Variants in TLK2 observed in about 807,000 individuals in gnomAD.
TLK2 encodes tousled like kinase 2.
TLK2 carries 6 observed loss-of-function variants against 117.3 expected under a neutral mutation model. That is an observed-to-expected ratio of 0.05 (90% CI 0.03 to 0.10). The LOEUF (loss-of-function observed/expected upper bound fraction) is 0.10. TLK2 is among the 10% of genes least tolerant of loss of function. The pLI is 1.00. For synonymous variants in TLK2, 257 were observed against 316.7 expected, an observed-to-expected ratio of 0.81 and a Z score of 2.00; for missense variants, 299 against 901.2, an observed-to-expected ratio of 0.33 and a Z score of 8.56.
chr17:62,600,834 T>G lies in TLK2; in HGVS notation c.1720+14T>G, dbSNP rs1433673228. 1.3e-6 allele frequency: 2 copies of G among 1,589,686 alleles called. No individual in the cohort carries two copies. Among genetic ancestry groups the G allele is most frequent in the Non-Finnish European group, 1.7e-6 (2 of 1,171,208 alleles). On this transcript the variant is annotated intron_variant, in intron 18 of 21. Coordinates refer to ENST00000346027, the MANE Select transcript of TLK2 (RefSeq NM_006852.6). ...ACCTCAAACCAGGTATGTCTAACTTTTAGGAGACAGTATTAGTGGGTTTTC... is the reference window on the plus strand; with the variant it reads ...ACCTCAAACCAGGTATGTCTAACTTGTAGGAGACAGTATTAGTGGGTTTTC...
intron 13 of TLK2, 89 bp from the exon 14 acceptor site, chr17:62,578,388 A>C (rs2080972385): frequency 5.0e-6 from 5 of 1,006,044 alleles, no homozygotes; most frequent in Middle Eastern, 3.0e-4. Flanking sequence ...GCCTTTCATA[A>C]GATAAATGTC....
At chr17:62,592,335 A>G (rs2082141799) in intron 16 of TLK2, among the ~76,000 whole-genome samples, 1 of 152,222 alleles carries the variant, frequency 6.6e-6, no homozygotes, top group African/African-American at 2.4e-5. Context: ...CAGAATATGA[A>G]TATGTCAGAC....
intron 7 of TLK2, chr17:62,552,020 CT>C (rs1249565785): frequency 2.5e-6 from 1 of 400,720 alleles, no homozygotes; most frequent in Non-Finnish European, 4.7e-6. Context: ...ACAGGAATAA[CT>C]TTTCATTTTC....
chr17:62,513,558 C>T (rs964443575), intron 2 of TLK2, among the ~76,000 whole-genome samples: 1 of 151,958 alleles, frequency 6.6e-6, no homozygotes, highest in Non-Finnish European at 1.5e-5. Context: ...CTCCTGGGCT[C>T]AAGTGATCCT....
intron 6 of TLK2, among the ~76,000 whole-genome samples, chr17:62,525,609 C>T (rs562673207): frequency 2.3e-4 from 35 of 152,082 alleles, no homozygotes; most frequent in African/African-American, 6.7e-4. Flanking sequence ...CCACTACGCC[C>T]GGCTAATTTT....
intron 18 of TLK2, among the ~76,000 whole-genome samples, chr17:62,601,055 G>A (rs79786512): frequency 1.3e-5 from 2 of 152,110 alleles, no homozygotes; most frequent in African/African-American, 2.4e-5. Context: ...TGGAGCCAGG[G>A]CAGTTCATGA....
At chr17:62,598,293 T>C (rs567061972) in intron 17 of TLK2, among the ~76,000 whole-genome samples, 1 of 152,352 alleles carries the variant, frequency 6.6e-6, no homozygotes, top group Admixed American at 6.5e-5. Flanking sequence ...CAAAGTTAAA[T>C]ATCAGGCTCA....
chr17:62,503,184 C>G (rs1016142533), intron 2 of TLK2, among the ~76,000 whole-genome samples: 5 of 151,680 alleles, frequency 3.3e-5, no homozygotes, highest in African/African-American at 1.2e-4. Context: ...CTCAGCCTCC[C>G]CAGCAGCTGG....
At chr17:62,504,536 G>A (rs1567808060) in intron 2 of TLK2, among the ~76,000 whole-genome samples, 1 of 152,170 alleles carries the variant, frequency 6.6e-6, no homozygotes, top group Non-Finnish European at 1.5e-5. Context: ...GGGCATGGTG[G>A]CTCATGCCTA....
intron 6 of TLK2, among the ~76,000 whole-genome samples, chr17:62,529,198 ACT>A (rs2076576932): frequency 6.6e-6 from 1 of 151,646 alleles, no homozygotes; most frequent in Non-Finnish European, 1.5e-5. Flanking sequence ...ATGTATTATG[ACT>A]CTCTTCATCT....
At chr17:62,593,056 T>C (rs556278474) in intron 16 of TLK2, among the ~76,000 whole-genome samples, 2 of 152,302 alleles carry the variant, frequency 1.3e-5, no homozygotes, top group South Asian at 4.1e-4. Context: ...CTTTGCTCAC[T>C]CACCCACTGC....
chr17:62,525,549 A>G (rs1241962108), intron 6 of TLK2, among the ~76,000 whole-genome samples: 1 of 151,898 alleles, frequency 6.6e-6, no homozygotes, highest in Non-Finnish European at 1.5e-5. Context: ...CGTAGGCTCA[A>G]GTGATTCTCC....
chr17:62,604,570 G>A (rs916584544), intron 19 of TLK2, among the ~76,000 whole-genome samples: 1 of 152,034 alleles, frequency 6.6e-6, no homozygotes, highest in African/African-American at 2.4e-5. Context: ...ACCTAGAAAG[G>A]GATTTGCCAG....
At position 62,573,275 on chromosome 17, in the gene TLK2, A is replaced by T; in HGVS notation, c.1029A>T (p.Ala343=). The T allele has an allele frequency of 6.2e-7, 1 of 1,614,028 alleles. No individual in the cohort carries two copies. Among genetic ancestry groups the T allele is most frequent in the African/African-American group, 1.3e-5 (1 of 75,062 alleles). ...TAGAAAGACAACGGAAAATGTTAGC[A>T]AAGCGGAAACCTCCTGCCATGGGTC... ...EEIERQRKML[A]KRKPPAMGQA... The change falls in exon 12 of 22, where the codon GCA becomes GCT. Residue 343 remains alanine (A), a synonymous_variant. Coordinates refer to ENST00000346027, the MANE Select transcript of TLK2 (RefSeq NM_006852.6).
chr17:62,490,051 A>G (rs946531237), intron 2 of TLK2, among the ~76,000 whole-genome samples: 2 of 152,130 alleles, frequency 1.3e-5, no homozygotes. Flanking sequence ...GCTGGTCTTG[A>G]ACTCCTGACC....
chr17:62,505,407 ATTTTTTTTTTT>A (rs544900638), intron 2 of TLK2, among the ~76,000 whole-genome samples: 19 of 53,768 alleles, frequency 3.5e-4, no homozygotes, highest in African/African-American at 1.2e-3. Flanking sequence ...CCATACCCAG[ATTTTTTTTTTT>A]TTTTTTTTTT....
intron 11 of TLK2, among the ~76,000 whole-genome samples, chr17:62,570,013 T>A (rs2080144965): frequency 6.6e-6 from 1 of 152,174 alleles, no homozygotes; most frequent in South Asian, 2.1e-4. Flanking sequence ...GCAGCATAAC[T>A]CCATTCTCTG....
intron 9 of TLK2, among the ~76,000 whole-genome samples, chr17:62,559,261 A>G (rs1447944138): frequency 1.3e-5 from 2 of 150,934 alleles, no homozygotes; most frequent in Non-Finnish European, 2.9e-5. Context: ...ATGCAAATTT[A>G]TCTTTCTTAA....
intron 6 of TLK2, among the ~76,000 whole-genome samples, chr17:62,526,243 GTGAC>G (rs546240019): frequency 1.4e-3 from 208 of 152,250 alleles, no homozygotes; most frequent in African/African-American, 4.8e-3. Context: ...ATACACCAAG[GTGAC>G]TGACTGATCT....
Sources: gnomAD v4.1 joint callset for allele counts (sites outside exome capture counted in the v4.1 genomes callset) on GRCh38, gnomAD v4.1.1 for gene constraint, MANE v1.5 for transcripts, NCBI Gene and HGNC (gene_info 2026-07-23, HGNC 2026-07-21) for gene names.